Variants in RGS6 observed in about 807,000 individuals in gnomAD.
RGS6 encodes the protein regulator of G protein signaling 6.
Under a neutral mutation model 78.5 loss-of-function variants are expected in RGS6, and 30 were observed. The observed-to-expected ratio is 0.38, with a 90% CI of 0.29 to 0.52. RGS6 has a LOEUF of 0.52. Among genes scored for constraint, RGS6 ranks in the 20% least tolerant of loss-of-function variants. The pLI is 0.85. For synonymous variants in RGS6, 206 were observed against 206.0 expected (o/e 1.00, Z 0.00); for missense variants, 495 against 609.7 (o/e 0.81, Z 1.98).
intron 12 of RGS6, among the ~76,000 whole-genome samples, chr14:72,485,569 A>G (rs2096472320): frequency 6.6e-6 from 1 of 152,220 alleles, no homozygotes; most frequent in Non-Finnish European, 1.5e-5. Context: ...CTCTCTGGCT[A>G]GTTCTACAAA....
chr14:72,358,437 C>T (rs1280257097), intron 3 of RGS6, among the ~76,000 whole-genome samples: 1 of 152,262 alleles, frequency 6.6e-6, no homozygotes, highest in East Asian at 1.9e-4. Flanking sequence ...CTGTACCCTG[C>T]AAAGCTACCG....
At chr14:72,095,526 G>C (rs534229849) in intron 2 of RGS6, among the ~76,000 whole-genome samples, 1 of 152,298 alleles carries the variant, frequency 6.6e-6, no homozygotes, top group African/African-American at 2.4e-5. Flanking sequence ...ACTCCCCAGT[G>C]GACTTGCTCT....
chr14:72,567,547 G>T (rs548725400), downstream of RGS6, among the ~76,000 whole-genome samples: 1 of 152,168 alleles, frequency 6.6e-6, no homozygotes, highest in East Asian at 1.9e-4. Flanking sequence ...AAGCTGTGCC[G>T]GTCCAAGAAT....
chr14:72,052,292 A>G (rs2093296814), intron 2 of RGS6, among the ~76,000 whole-genome samples: 1 of 152,226 alleles, frequency 6.6e-6, no homozygotes, highest in South Asian at 2.1e-4. Context: ...GAACATATTA[A>G]TGTGCCATTT....
At chr14:72,255,683 T>C (rs2056926449) in intron 2 of RGS6, among the ~76,000 whole-genome samples, 1 of 152,218 alleles carries the variant, frequency 6.6e-6, no homozygotes, top group Non-Finnish European at 1.5e-5. Flanking sequence ...TCAAAGAGGC[T>C]GATTTTCTAT....
At chr14:72,613,476 G>A in the RGS6 span, among the ~76,000 whole-genome samples, 1 of 152,228 alleles carries the variant, frequency 6.6e-6, no homozygotes, top group Admixed American at 6.5e-5. Context: ...TCCTGGTGGA[G>A]CCAAAGAAGG....
chr14:72,162,667 G>A (rs1373480688), intron 2 of RGS6, among the ~76,000 whole-genome samples: 1 of 152,046 alleles, frequency 6.6e-6, no homozygotes, highest in African/African-American at 2.4e-5. Flanking sequence ...AGGAAAAGAA[G>A]TCATTATACG....
intron 2 of RGS6, among the ~76,000 whole-genome samples, chr14:72,276,855 C>T (rs2060757137): frequency 6.6e-6 from 1 of 150,840 alleles, no homozygotes; most frequent in African/African-American, 2.5e-5. Flanking sequence ...TGAGAAGAGA[C>T]TAATACAATA....
chr14:72,384,303 A>G (rs2087166419), intron 3 of RGS6, among the ~76,000 whole-genome samples: 1 of 152,224 alleles, frequency 6.6e-6, no homozygotes, highest in East Asian at 1.9e-4. Flanking sequence ...TGTTAAAGTG[A>G]AAGTGACAAG....
intron 3 of RGS6, among the ~76,000 whole-genome samples, chr14:72,431,612 G>A (rs2094643683): frequency 6.6e-6 from 1 of 151,238 alleles, no homozygotes; most frequent in African/African-American, 2.4e-5. Context: ...TCATCTCTTG[G>A]CCTCAAGTGA....
At chr14:72,225,670 A>G (rs977340) in intron 2 of RGS6, among the ~76,000 whole-genome samples, 70,514 of 152,028 alleles carry the variant, frequency 0.46, 16,734 homozygotes, top group Middle Eastern at 0.62. Flanking sequence ...CAAACTTCCT[A>G]TAATACCACC....
intron 2 of RGS6, among the ~76,000 whole-genome samples, chr14:72,075,902 T>C (rs1299790349): frequency 6.6e-6 from 1 of 152,180 alleles, no homozygotes; most frequent in East Asian, 1.9e-4. Context: ...CCAAAGTCCG[T>C]GGGAAGAGCA....
At chr14:72,559,380 C>T (rs1211046856) in intron 17 of RGS6, among the ~76,000 whole-genome samples, 1 of 152,220 alleles carries the variant, frequency 6.6e-6, no homozygotes, top group Non-Finnish European at 1.5e-5. Flanking sequence ...TGCAGTATTT[C>T]TTCCCCAAAG....
chr14:72,491,803 T>C (rs1016602804), intron 12 of RGS6, among the ~76,000 whole-genome samples: 2 of 152,192 alleles, frequency 1.3e-5, no homozygotes, highest in African/African-American at 2.4e-5. Context: ...AGCCTGGCCT[T>C]GGCTCTTGAA....
intron 2 of RGS6, among the ~76,000 whole-genome samples, chr14:72,218,298 C>T (rs2046055562): frequency 6.6e-6 from 1 of 152,026 alleles, no homozygotes; most frequent in South Asian, 2.1e-4. Context: ...AGTTGATTAT[C>T]ATGATTCCAC....
At chr14:72,591,037 G>C in the RGS6 span, among the ~76,000 whole-genome samples, 1 of 151,128 alleles carries the variant, frequency 6.6e-6, no homozygotes, top group Non-Finnish European at 1.5e-5. Context: ...ATGGGTACCA[G>C]TATTGTAAAA....
chr14:72,206,760 C>CATAATTCAA (rs2042812292), intron 2 of RGS6, among the ~76,000 whole-genome samples: 1 of 152,182 alleles, frequency 6.6e-6, no homozygotes, highest in African/African-American at 2.4e-5. Flanking sequence ...ATTCAATCAT[C>CATAATTCAA]TCCCACTGGG....
At chr14:72,602,941 G>GAAAAAGA in the RGS6 span, among the ~76,000 whole-genome samples, 4 of 151,662 alleles carry the variant, frequency 2.6e-5, no homozygotes, top group Non-Finnish European at 5.9e-5. Context: ...GGAAGATAAA[G>GAAAAAGA]AAAAAGAAAA....
intron 2 of RGS6, among the ~76,000 whole-genome samples, chr14:72,133,663 C>G (rs1056339630): frequency 6.6e-6 from 1 of 151,968 alleles, no homozygotes; most frequent in Non-Finnish European, 1.5e-5. Context: ...TCAGAGAATC[C>G]CAGGATCTGA....
Sources: gnomAD v4.1 joint callset for allele counts (sites outside exome capture counted in the v4.1 genomes callset) on GRCh38, gnomAD v4.1.1 for gene constraint, MANE v1.5 for transcripts, NCBI Gene and HGNC (gene_info 2026-07-23, HGNC 2026-07-21) for gene names.